The following ZNF91 variants were observed in gnomAD, a reference collection of about 807,000 sequenced individuals.
ZNF91 encodes zinc finger protein 91 (HPF7, HTF10).
ZNF91 carries 7 observed loss-of-function variants against 12.6 expected under a neutral mutation model. The ratio of observed to expected loss-of-function variants is 0.55; its 90% CI spans 0.31 to 1.04. The LOEUF (loss-of-function observed/expected upper bound fraction) is 1.04. ZNF91 is among the 50% of genes least tolerant of loss of function. The probability of loss-of-function intolerance (pLI) is 0.05; values close to 1 mark genes in which losing one functional copy is unlikely to be tolerated. For synonymous variants in ZNF91, 453 were observed against 462.6 expected, an observed-to-expected ratio of 0.98 and a Z score of 0.27; for missense variants, 1,217 against 1,385.4, an observed-to-expected ratio of 0.88 and a Z score of 1.93.
chr19:23,345,929 C>T (rs1285095005), intron 3 of ZNF91, among the ~76,000 whole-genome samples: 2 of 152,080 alleles, frequency 1.3e-5, no homozygotes, highest in African/African-American at 4.8e-5. Flanking sequence ...TGCCTGTTAA[C>T]TCAACCCCCC....
At chr19:23,340,225 T>C (rs1214399718) in intron 3 of ZNF91, 1 of 151,836 alleles carries the variant, frequency 6.6e-6, no homozygotes, top group East Asian at 1.9e-4. Context: ...CCAAAAACAA[T>C]AAAAATGACC....
chr19:23,323,363 CCTCTT>C (rs1967753360), intron 1 of ZNF91, among the ~76,000 whole-genome samples: 1 of 146,772 alleles, frequency 6.8e-6, no homozygotes, highest in South Asian at 2.3e-4. Context: ...CTCCTTTCCT[CCTCTT>C]CCCTTCCTCT....
At chr19:23,356,680 A>G (rs1455009053), downstream of ZNF91, among the ~76,000 whole-genome samples, 1 of 152,214 alleles carries the variant, frequency 6.6e-6, no homozygotes. Flanking sequence ...AATCACCACT[A>G]AAGAACTTAC....
intron 3 of ZNF91, among the ~76,000 whole-genome samples, chr19:23,345,594 C>G (rs1292761761): frequency 6.6e-6 from 1 of 152,118 alleles, no homozygotes; most frequent in Non-Finnish European, 1.5e-5. Flanking sequence ...GATTGCCTTC[C>G]TCTTCCCGAC....
chr19:23,319,130 T>C (rs1318556594), intron 1 of ZNF91, among the ~76,000 whole-genome samples: 6 of 152,228 alleles, frequency 3.9e-5, no homozygotes, highest in African/African-American at 1.2e-4. Context: ...CTGTGACATA[T>C]TGATGGACTC....
intron 3 of ZNF91, among the ~76,000 whole-genome samples, chr19:23,371,070 G>A (rs1969257348): frequency 6.6e-6 from 1 of 152,094 alleles, no homozygotes; most frequent in Non-Finnish European, 1.5e-5. Flanking sequence ...GCTGGGCAAG[G>A]TGGCTGACAC....
Position 23,360,142 on chromosome 19 carries a change from G to C in ZNF91, c.2837C>G (p.Ala946Gly), listed in dbSNP as rs1160670352. 4.3e-6 allele frequency: 7 copies of C among 1,613,644 alleles called. No homozygotes were observed. The African/African-American group carries it at 8.0e-5, about 18-fold the overall frequency. The change falls in exon 4 of 4, where the codon GCT becomes GGT. Residue 946 changes from alanine to glycine, a missense_variant. Ala to Gly is a moderately conservative substitution (Grantham distance 60). Around this residue, in one of 2 missense-constraint regions of ZNF91, gnomAD observed 491 missense variants for 489.8 expected, o/e 1.00. Coordinates refer to ENST00000300619, the MANE Select transcript of ZNF91 (RefSeq NM_003430.4). ...KPYKCEECGK[A>G]FSQSSTLTTH... ...AGTAAGGGTTGAGGATTGGCTAAAA[G>C]CTTTGCCACATTCTTCACATTTGTA...
At chr19:23,339,960 AT>A (rs1439788282) in intron 3 of ZNF91, 28 of 150,996 alleles carry the variant, frequency 1.9e-4, no homozygotes, top group Admixed American at 5.3e-4. Context: ...AAAAAAAAAA[AT>A]TAAGATGAAA....
At chr19:23,332,468 C>CA in intron 1 of ZNF91, among the ~76,000 whole-genome samples, 1 of 152,104 alleles carries the variant, frequency 6.6e-6, no homozygotes, top group Non-Finnish European at 1.5e-5. Context: ...TATTAGAACT[C>CA]AAACTGTTAA....
chr19:23,345,071 G>A (rs1398088182), intron 3 of ZNF91, among the ~76,000 whole-genome samples: 1 of 152,230 alleles, frequency 6.6e-6, no homozygotes, highest in Non-Finnish European at 1.5e-5. Context: ...GTTGGCCCAA[G>A]AAGGCTCTGG....
chr19:23,327,755 T>C (rs1967863585), intron 1 of ZNF91: 2 of 152,208 alleles, frequency 1.3e-5, no homozygotes, highest in Non-Finnish European at 1.5e-5. Context: ...AAGTGGTTTA[T>C]AATGGTTTAA....
chr19:23,336,420 T>C (rs375807090), downstream of ZNF91, among the ~76,000 whole-genome samples: 2 of 152,234 alleles, frequency 1.3e-5, no homozygotes, highest in African/African-American at 4.8e-5. Flanking sequence ...GGATCAGGTA[T>C]GGATGTTTAC....
chr19:23,353,390 A>T (rs1192089070), downstream of ZNF91, among the ~76,000 whole-genome samples: 1 of 152,126 alleles, frequency 6.6e-6, no homozygotes, highest in Admixed American at 6.6e-5. Flanking sequence ...ATATAGAAAT[A>T]AAAAAATTCT....
chr19:23,369,366 C>A (rs1008119958), intron 3 of ZNF91, among the ~76,000 whole-genome samples: 1 of 151,200 alleles, frequency 6.6e-6, no homozygotes, highest in African/African-American at 2.4e-5. Context: ...ACCCGGCCAG[C>A]CGCCCCGTCC....
intron 3 of ZNF91, chr19:23,339,942 C>CAAAAAAAAAAA (rs71163488): frequency 1.0e-5 from 1 of 98,182 alleles, no homozygotes. Context: ...AAACCTATCT[C>CAAAAAAAAAAA]AAAAAAAAAA....
At chr19:23,336,876 TCTC>T (rs1167994739), downstream of ZNF91, among the ~76,000 whole-genome samples, 2 of 152,206 alleles carry the variant, frequency 1.3e-5, no homozygotes, top group Non-Finnish European at 2.9e-5. Context: ...TTCATGCCGT[TCTC>T]CTGCTTTTAA....
At chr19:23,369,703 A>G (rs1034078276) in intron 3 of ZNF91, among the ~76,000 whole-genome samples, 6 of 151,764 alleles carry the variant, frequency 4.0e-5, no homozygotes, top group East Asian at 3.9e-4. Context: ...CTATGACCTT[A>G]CCCCCAACCC....
chr19:23,355,354 G>C (rs1968459854), downstream of ZNF91, among the ~76,000 whole-genome samples: 1 of 152,136 alleles, frequency 6.6e-6, no homozygotes, highest in South Asian at 2.1e-4. Context: ...ATAAAGTGGG[G>C]AAGTATACCC....
chr19:23,329,057 T>A (rs893708046), intron 1 of ZNF91: 2 of 152,242 alleles, frequency 1.3e-5, no homozygotes, highest in African/African-American at 2.4e-5. Context: ...ATGTAACTGA[T>A]AAACCAATGT....
Sources: allele counts gnomAD v4.1 joint callset (sites outside exome capture counted in the v4.1 genomes callset), GRCh38; gene constraint gnomAD v4.1.1; regional missense constraint gnomAD v4.1.1; transcripts MANE v1.5; gene names NCBI Gene and HGNC (gene_info 2026-07-23, HGNC 2026-07-21).